FHIT: variants seen among roughly 807,000 people sequenced by gnomAD.
FHIT encodes fragile histidine triad diadenosine triphosphatase, also known as bis(5'-adenosyl)-triphosphatase.
In FHIT, 19 loss-of-function variants were observed where a neutral mutation model predicts 17.9. That is an observed-to-expected ratio of 1.06 (90% CI 0.74 to 1.56). FHIT has a LOEUF of 1.56. FHIT is among the 40% of genes most tolerant of loss of function. The pLI is 0.00. For synonymous variants in FHIT, 81 were observed against 69.7 expected (o/e 1.16, Z -0.81); for missense variants, 248 against 189.2 (o/e 1.31, Z -1.82).
At chr3:60,398,125 G>T (rs1330574304) in intron 5 of FHIT, among the ~76,000 whole-genome samples, 1 of 152,034 alleles carries the variant, frequency 6.6e-6, no homozygotes, top group Non-Finnish European at 1.5e-5. Context: ...CAAGAACTCG[G>T]ACCTAGCTGA....
intron 5 of FHIT, among the ~76,000 whole-genome samples, chr3:60,410,580 C>A (rs1322169834): frequency 6.6e-6 from 1 of 152,012 alleles, no homozygotes; most frequent in Non-Finnish European, 1.5e-5. Context: ...GCAAATAACA[C>A]CTCCTGGGTG....
intron 4 of FHIT, among the ~76,000 whole-genome samples, chr3:60,566,777 C>G (rs964364127): frequency 7.2e-5 from 11 of 151,816 alleles, no homozygotes; most frequent in African/African-American, 2.7e-4. Flanking sequence ...GATACAAAAT[C>G]AATGTGCAAA....
Position 60,106,400 on chromosome 3 carries a change from A to G in FHIT, c.104-92248T>C, listed in dbSNP as rs181973910. Among the ~76,000 whole-genome samples the G allele has an allele frequency of 1.2e-3, 181 of 152,314 alleles. 3 individuals are homozygous for G. The South Asian group carries it at 0.036, about 30-fold the overall frequency. Reference sequence around the variant, plus strand: ...TGGGAAAAAAAGAAAAATTCATGCTAGTTTTGCTCTCACACCTCAAACCGC... The same window carrying G: ...TGGGAAAAAAAGAAAAATTCATGCTGGTTTTGCTCTCACACCTCAAACCGC... On this transcript the variant is annotated intron_variant, in intron 5 of 9. Transcript: ENST00000492590.
intron 4 of FHIT, among the ~76,000 whole-genome samples, chr3:60,734,509 C>T (rs1432056332): frequency 3.9e-5 from 6 of 152,098 alleles, no homozygotes; most frequent in African/African-American, 1.2e-4. Flanking sequence ...CTCAGAAGGT[C>T]CTCCCACCTC....
intron 8 of FHIT, among the ~76,000 whole-genome samples, chr3:59,848,543 T>C (rs1389323132): frequency 6.6e-6 from 1 of 152,198 alleles, no homozygotes; most frequent in Non-Finnish European, 1.5e-5. Flanking sequence ...ATAGAGATCT[T>C]AGAAATTATA....
chr3:60,930,569 C>G (rs1292060123), intron 3 of FHIT, among the ~76,000 whole-genome samples: 2 of 152,178 alleles, frequency 1.3e-5, no homozygotes, highest in Non-Finnish European at 1.5e-5. Context: ...TGAACAGACA[C>G]TTCTCAAAGG....
chr3:60,209,045 T>C (rs1482630955), intron 5 of FHIT, among the ~76,000 whole-genome samples: 1 of 152,210 alleles, frequency 6.6e-6, no homozygotes, highest in East Asian at 1.9e-4. Flanking sequence ...TTATCAAATA[T>C]ACCGGAAGTC....
At chr3:60,363,984 G>T (rs560823420) in intron 5 of FHIT, among the ~76,000 whole-genome samples, 2 of 152,176 alleles carry the variant, frequency 1.3e-5, no homozygotes, top group South Asian at 4.2e-4. Flanking sequence ...CTAGGTCAAG[G>T]GGTGGTCACA....
At chr3:60,946,278 C>T (rs558382089) in intron 3 of FHIT, among the ~76,000 whole-genome samples, 76 of 152,242 alleles carry the variant, frequency 5.0e-4, no homozygotes, top group Non-Finnish European at 7.8e-4. Flanking sequence ...TGCTGTGAAA[C>T]ATACTTTGAA....
At chr3:61,222,254 T>A (rs1041541498) in intron 1 of FHIT, among the ~76,000 whole-genome samples, 8 of 152,202 alleles carry the variant, frequency 5.3e-5, no homozygotes, top group South Asian at 2.1e-4. Flanking sequence ...TGGACCAGGA[T>A]GCCAGGAATT....
Position 60,810,262 on chromosome 3 carries a change from T to C in FHIT, c.-18+11657A>G, listed in dbSNP as rs1473236514. Among the ~76,000 whole-genome samples the C allele has an allele frequency of 4.6e-5, 7 of 152,314 alleles. No homozygotes were observed. In the East Asian group the frequency reaches 7.7e-4, roughly 17 times the overall value. On this transcript the variant is annotated intron_variant, in intron 4 of 9. Transcript: ENST00000492590. ...CATTATAATTACAGTGTTTGAATTATAAACAAAACAAGAAAAATACAGAAG... is the reference window on the plus strand; with the variant it reads ...CATTATAATTACAGTGTTTGAATTACAAACAAAACAAGAAAAATACAGAAG...
intron 2 of FHIT, among the ~76,000 whole-genome samples, chr3:61,110,405 C>CTAAG (rs2036122966): frequency 6.6e-6 from 1 of 152,136 alleles, no homozygotes; most frequent in African/African-American, 2.4e-5. Context: ...ATCACTTGAT[C>CTAAG]TAAGGCAGCA....
chr3:59,955,954 T>A (rs1707373180), intron 7 of FHIT, among the ~76,000 whole-genome samples: 1 of 152,212 alleles, frequency 6.6e-6, no homozygotes, highest in Non-Finnish European at 1.5e-5. Context: ...GTACTCTGTG[T>A]TCCATCCATC....
At chr3:59,774,847 T>G (rs890918073) in intron 8 of FHIT, among the ~76,000 whole-genome samples, 1 of 152,152 alleles carries the variant, frequency 6.6e-6, no homozygotes, top group African/African-American at 2.4e-5. Context: ...GGCCAGGACT[T>G]GAATGTGGTT....
intron 4 of FHIT, among the ~76,000 whole-genome samples, chr3:60,816,989 G>T (rs996020941): frequency 6.6e-6 from 1 of 151,078 alleles, no homozygotes; most frequent in Non-Finnish European, 1.5e-5. Flanking sequence ...GCAACTTTTG[G>T]ATCATTTTTT....
chr3:61,160,563 G>A (rs915982369), intron 2 of FHIT, among the ~76,000 whole-genome samples: 1 of 152,124 alleles, frequency 6.6e-6, no homozygotes, highest in Admixed American at 6.6e-5. Flanking sequence ...AACATACAGT[G>A]GAAGAGATAA....
intron 7 of FHIT, among the ~76,000 whole-genome samples, chr3:59,950,251 T>C (rs576683568): frequency 6.6e-6 from 1 of 152,268 alleles, no homozygotes; most frequent in East Asian, 1.9e-4. Context: ...GTTAAGAGGA[T>C]TTCATTATTT....
At chr3:61,116,809 C>T (rs947608433) in intron 2 of FHIT, among the ~76,000 whole-genome samples, 2 of 152,024 alleles carry the variant, frequency 1.3e-5, no homozygotes, top group Non-Finnish European at 2.9e-5. Flanking sequence ...TTGCTGATGG[C>T]TTATATTTGG....
At chr3:60,732,648 G>C (rs535081276) in intron 4 of FHIT, 3 of 438,038 alleles carry the variant, frequency 6.8e-6, no homozygotes, top group African/African-American at 2.0e-5. Context: ...GCTGATAGTA[G>C]GGTGCTCCCG....
Sources: allele counts gnomAD v4.1 joint callset (sites outside exome capture counted in the v4.1 genomes callset), GRCh38; gene constraint gnomAD v4.1.1; transcripts MANE v1.5; gene names NCBI Gene and HGNC (gene_info 2026-07-23, HGNC 2026-07-21).